Variants in SYNDIG1 observed in about 807,000 individuals in gnomAD.
SYNDIG1 encodes the protein synapse differentiation-inducing gene protein 1.
Under a neutral mutation model 19.4 loss-of-function variants are expected in SYNDIG1, and 9 were observed. That is an observed-to-expected ratio of 0.46 (90% CI 0.28 to 0.81). SYNDIG1 has a LOEUF of 0.81. Among genes scored for constraint, SYNDIG1 ranks in the 30% least tolerant of loss-of-function variants. The probability of loss-of-function intolerance (pLI) is 0.12; values close to 1 mark genes in which losing one functional copy is unlikely to be tolerated. For missense variants in SYNDIG1, 311 were observed against 343.3 expected, an observed-to-expected ratio of 0.91 and a Z score of 0.74; for synonymous variants, 141 against 145.9, an observed-to-expected ratio of 0.97 and a Z score of 0.24.
intron 1 of SYNDIG1, among the ~76,000 whole-genome samples, chr20:24,532,735 C>T (rs2057285636): frequency 1.3e-5 from 2 of 152,238 alleles, no homozygotes; most frequent in South Asian, 4.1e-4. Context: ...GGCCCCACAG[C>T]CTGAGCTGTT....
chr20:24,581,984 T>C (rs577762634), intron 2 of SYNDIG1, among the ~76,000 whole-genome samples: 1 of 146,482 alleles, frequency 6.8e-6, no homozygotes, highest in East Asian at 2.1e-4. Context: ...TCCTCCCCTC[T>C]GCACAGTCTC....
chr20:24,517,291 AAAGTAT>A (rs1452971068), intron 1 of SYNDIG1, among the ~76,000 whole-genome samples: 2 of 150,752 alleles, frequency 1.3e-5, no homozygotes, highest in Non-Finnish European at 3.0e-5. Context: ...CCTAGAACTT[AAAGTAT>A]AATAAAAAAA....
At chr20:24,515,309 A>T (rs1387339957) in intron 1 of SYNDIG1, among the ~76,000 whole-genome samples, 1 of 152,168 alleles carries the variant, frequency 6.6e-6, no homozygotes, top group Non-Finnish European at 1.5e-5. Context: ...GACACAAAAA[A>T]CCCTTCAGAA....
intron 3 of SYNDIG1, among the ~76,000 whole-genome samples, chr20:24,636,176 C>A (rs2147321693): frequency 6.6e-6 from 1 of 152,238 alleles, no homozygotes; most frequent in Non-Finnish European, 1.5e-5. Context: ...TAGGGTACTT[C>A]AATTTTCATG....
intron 2 of SYNDIG1, among the ~76,000 whole-genome samples, chr20:24,568,873 C>T (rs1256671718): frequency 6.6e-6 from 1 of 152,128 alleles, no homozygotes; most frequent in Non-Finnish European, 1.5e-5. Flanking sequence ...GGTCCTGTGC[C>T]CCCTGTTCAT....
chr20:24,513,974 AT>A (rs2056807269), intron 1 of SYNDIG1, among the ~76,000 whole-genome samples: 1 of 152,246 alleles, frequency 6.6e-6, no homozygotes, highest in African/African-American at 2.4e-5. Context: ...AATATTCAAC[AT>A]TCTTTAAGAA....
intron 3 of SYNDIG1, among the ~76,000 whole-genome samples, chr20:24,654,650 G>GAGGGAGGA (rs1374663588): frequency 2.0e-4 from 23 of 117,454 alleles, no homozygotes; most frequent in African/African-American, 6.1e-4. Flanking sequence ...GGGAGGGAGG[G>GAGGGAGGA]AGGAAGGAAG....
chr20:24,638,349 T>C (rs1313698599), intron 3 of SYNDIG1, among the ~76,000 whole-genome samples: 1 of 152,180 alleles, frequency 6.6e-6, no homozygotes, highest in Non-Finnish European at 1.5e-5. Flanking sequence ...AATTGTTTTA[T>C]TTATTATTTA....
At chr20:24,650,300 A>G (rs1050188293) in intron 3 of SYNDIG1, among the ~76,000 whole-genome samples, 3 of 152,256 alleles carry the variant, frequency 2.0e-5, no homozygotes, top group African/African-American at 7.2e-5. Flanking sequence ...TCTGCCTTCC[A>G]GGAGGCACCA....
intron 2 of SYNDIG1, among the ~76,000 whole-genome samples, chr20:24,567,859 C>A (rs548143921): frequency 6.6e-6 from 1 of 152,210 alleles, no homozygotes; most frequent in Non-Finnish European, 1.5e-5. Context: ...CTGGGCCAGG[C>A]GTGGTGGCTC....
chr20:24,626,272 T>C (rs1465437870), intron 3 of SYNDIG1, among the ~76,000 whole-genome samples: 3 of 151,410 alleles, frequency 2.0e-5, no homozygotes, highest in Non-Finnish European at 4.4e-5. Flanking sequence ...GCTCCTCACT[T>C]CCCAGATGGG....
chr20:24,503,868 C>T (rs1049329837), intron 1 of SYNDIG1, among the ~76,000 whole-genome samples: 3 of 152,022 alleles, frequency 2.0e-5, no homozygotes, highest in Non-Finnish European at 2.9e-5. Context: ...GGTGCGTACT[C>T]GGGCATGACT....
At chr20:24,596,285 T>C (rs984371821) in intron 3 of SYNDIG1, among the ~76,000 whole-genome samples, 6 of 152,244 alleles carry the variant, frequency 3.9e-5, no homozygotes, top group Admixed American at 2.0e-4. Context: ...TTTCCTTGCA[T>C]TGATTTTTTA....
intron 3 of SYNDIG1, among the ~76,000 whole-genome samples, chr20:24,646,112 G>C (rs943675468): frequency 2.6e-5 from 4 of 152,298 alleles, no homozygotes; most frequent in African/African-American, 9.6e-5. Flanking sequence ...TGTCAGGGTA[G>C]AGACCTGCCC....
At chr20:24,485,370 G>T (rs950719194) in intron 1 of SYNDIG1, among the ~76,000 whole-genome samples, 1 of 152,134 alleles carries the variant, frequency 6.6e-6, no homozygotes, top group African/African-American at 2.4e-5. Flanking sequence ...CACCAATTTT[G>T]TTCATTAGAT....
chr20:24,494,734 A>G (rs2056252826), intron 1 of SYNDIG1, among the ~76,000 whole-genome samples: 1 of 152,230 alleles, frequency 6.6e-6, no homozygotes, highest in Non-Finnish European at 1.5e-5. Context: ...TGGCCTGACT[A>G]CCCAGAGGAA....
intron 3 of SYNDIG1, among the ~76,000 whole-genome samples, chr20:24,616,979 A>AGGTGGCTTC (rs1169779786): frequency 1.3e-5 from 2 of 152,090 alleles, no homozygotes. Flanking sequence ...TGGGCCAAGG[A>AGGTGGCTTC]GGTGGCTTCG....
intron 1 of SYNDIG1, among the ~76,000 whole-genome samples, chr20:24,517,955 G>A (rs1244102731): frequency 2.6e-5 from 4 of 151,038 alleles, no homozygotes; most frequent in Admixed American, 6.6e-5. Flanking sequence ...ACAGGCGCCC[G>A]CCAACACACC....
chr20:24,548,484 A>G (rs75049319), intron 2 of SYNDIG1, among the ~76,000 whole-genome samples: 219 of 152,378 alleles, frequency 1.4e-3, no homozygotes, highest in African/African-American at 4.8e-3. Context: ...TACCTCAGTC[A>G]TAAGTATGGA....
Sources: gnomAD v4.1 joint callset for allele counts (sites outside exome capture counted in the v4.1 genomes callset) on GRCh38, gnomAD v4.1.1 for gene constraint, MANE v1.5 for transcripts, NCBI Gene and HGNC (gene_info 2026-07-23, HGNC 2026-07-21) for gene names.